The following MITF variants were observed in gnomAD, a reference collection of about 807,000 sequenced individuals.
MITF encodes melanocyte inducing transcription factor, also known as microphthalmia-associated transcription factor.
A neutral mutation model predicts 60.5 loss-of-function variants in MITF; 17 were observed. The ratio of observed to expected loss-of-function variants is 0.28; its 90% confidence interval spans 0.19 to 0.42. The LOEUF (loss-of-function observed/expected upper bound fraction) is 0.42, where lower values mean the gene tolerates loss of function less well. Among genes scored for constraint, MITF ranks in the 10% least tolerant of loss-of-function variants. MITF has a pLI of 1.00. For synonymous variants in MITF, 260 were observed against 248.5 expected, an observed-to-expected ratio of 1.05 and a Z score of -0.43; for missense variants, 622 against 683.5, an observed-to-expected ratio of 0.91 and a Z score of 1.00.
chr3:69,920,970 C>A (rs529219053), intron 2 of MITF, among the ~76,000 whole-genome samples: 11 of 152,292 alleles, frequency 7.2e-5, no homozygotes, highest in African/African-American at 2.6e-4. Context: ...CTGGTTCAAG[C>A]AATTCCCCTG....
chr3:69,874,829 T>A (rs926719366), intron 1 of MITF, among the ~76,000 whole-genome samples: 1 of 152,288 alleles, frequency 6.6e-6, no homozygotes, highest in East Asian at 1.9e-4. Flanking sequence ...TTTCTGATAT[T>A]GTTAGGTGGC....
At position 69,790,799 on chromosome 3, in the gene MITF, TCAGTCCTAGG is replaced by T. The variant is rs575679351; in HGVS notation, c.104+51101_104+51110del. Among the ~76,000 whole-genome samples the T allele has an allele frequency of 2.7e-3, 404 of 152,312 alleles. 2 individuals are homozygous for T. Among genetic ancestry groups the T allele is most frequent in the African/African-American group, 9.5e-3 (393 of 41,562 alleles). ...GTAGCTGAGGAGCAGCACCCCACTT[TCAGTCCTAGG>T]CATGAAATTCAGATTCATTTCTCTC... On this transcript the variant is annotated intron_variant, in intron 1 of 9. Transcript: ENST00000352241.
intron 1 of MITF, among the ~76,000 whole-genome samples, chr3:69,756,318 G>A (rs1704146059): frequency 6.6e-6 from 1 of 152,182 alleles, no homozygotes; most frequent in African/African-American, 2.4e-5. Context: ...GGTGTGTGAT[G>A]TTCCCCTCCC....
chr3:69,828,622 A>T (rs1221985665), intron 1 of MITF, among the ~76,000 whole-genome samples: 2 of 151,940 alleles, frequency 1.3e-5, no homozygotes, highest in East Asian at 3.9e-4. Context: ...TAAATAGATA[A>T]ATATAAAATC....
At chr3:69,951,060 C>T (rs1306823670) in intron 6 of MITF, among the ~76,000 whole-genome samples, 1 of 146,328 alleles carries the variant, frequency 6.8e-6, no homozygotes, top group Non-Finnish European at 1.5e-5. Flanking sequence ...AAGTAGTGAA[C>T]TAGTTAGAAG....
At chr3:69,780,659 C>T (rs2062548136) in intron 1 of MITF, among the ~76,000 whole-genome samples, 1 of 152,128 alleles carries the variant, frequency 6.6e-6, no homozygotes, top group Non-Finnish European at 1.5e-5. Context: ...TTCTCTTTCT[C>T]CGTTGGTTTC....
intron 1 of MITF, among the ~76,000 whole-genome samples, chr3:69,860,619 AAAAT>A (rs1234924117): frequency 1.3e-5 from 2 of 151,938 alleles, no homozygotes; most frequent in African/African-American, 4.8e-5. Flanking sequence ...AAAAAAAAAA[AAAAT>A]TCACTTTAGA....
At chr3:69,919,867 G>T (rs978430923) in intron 2 of MITF, among the ~76,000 whole-genome samples, 4 of 151,876 alleles carry the variant, frequency 2.6e-5, no homozygotes, top group African/African-American at 9.7e-5. Flanking sequence ...TGCTGTTGTT[G>T]TTTTCAGACA....
intron 4 of MITF, among the ~76,000 whole-genome samples, chr3:69,940,434 A>G (rs1007449619): frequency 1.3e-5 from 2 of 152,250 alleles, no homozygotes; most frequent in Non-Finnish European, 2.9e-5. Flanking sequence ...AACTGCTGCA[A>G]TGCACATGTA....
intron 2 of MITF, 143 bp from the exon 3 acceptor site, chr3:69,937,679 G>A (rs1576004044): frequency 1.3e-6 from 1 of 741,688 alleles, no homozygotes; most frequent in East Asian, 2.7e-5. Flanking sequence ...AAATCCGTTA[G>A]CACAGTGCCT....
intron 2 of MITF, among the ~76,000 whole-genome samples, chr3:69,901,885 C>T (rs2107352547): frequency 6.6e-6 from 1 of 152,320 alleles, no homozygotes; most frequent in East Asian, 1.9e-4. Context: ...TTTCTCCCAG[C>T]ATGTGTCACC....
At position 69,959,491 on chromosome 3, in the gene MITF, T is replaced by C; in HGVS notation, c.1179+71T>C. The C allele has an allele frequency of 5.1e-6, 8 of 1,575,574 alleles. No homozygotes were observed. The South Asian group carries it at 6.8e-5, about 13-fold the overall frequency. On this transcript the variant is annotated intron_variant, in intron 9 of 9. Coordinates refer to ENST00000352241, the MANE Select transcript of MITF (RefSeq NM_001354604.2). ...CAAGACAGTAGAAACAGGGATATAA[T>C]GAGCCATAGGGGAGTTGACTTACGT... is the stretch of plus-strand genomic sequence containing the variant.
chr3:69,938,453 T>C (rs1273575567), intron 3 of MITF: 4 of 1,494,296 alleles, frequency 2.7e-6, no homozygotes, highest in Non-Finnish European at 3.6e-6. Context: ...GTTCCGCTTG[T>C]TGTGAATGTC....
chr3:69,843,306 A>G (rs1459849818), intron 1 of MITF, among the ~76,000 whole-genome samples: 1 of 152,184 alleles, frequency 6.6e-6, no homozygotes, highest in Non-Finnish European at 1.5e-5. Flanking sequence ...AGAAATTTAC[A>G]TTTATCAAAA....
At chr3:69,962,754 G>T (rs1169864877) in intron 9 of MITF, among the ~76,000 whole-genome samples, 2 of 152,182 alleles carry the variant, frequency 1.3e-5, no homozygotes, top group African/African-American at 4.8e-5. Flanking sequence ...AGGAAAAAGG[G>T]AAAGAGCTTG....
At chr3:69,815,510 T>G (rs1215459999) in intron 1 of MITF, among the ~76,000 whole-genome samples, 1 of 152,228 alleles carries the variant, frequency 6.6e-6, no homozygotes, top group Non-Finnish European at 1.5e-5. Context: ...TTCTTTCTTG[T>G]GATTTTCTTA....
intron 1 of MITF, among the ~76,000 whole-genome samples, chr3:69,819,894 G>A (rs938717595): frequency 2.0e-5 from 3 of 152,210 alleles, no homozygotes; most frequent in Non-Finnish European, 2.9e-5. Flanking sequence ...GAACCCGGGA[G>A]GTGGAGGTTG....
At chr3:69,846,739 C>T (rs929146910) in intron 1 of MITF, among the ~76,000 whole-genome samples, 5 of 150,564 alleles carry the variant, frequency 3.3e-5, no homozygotes, top group African/African-American at 9.8e-5. Context: ...CTCACTTGAA[C>T]CCGGGAGGCA....
chr3:69,809,616 A>G (rs2063068488), intron 1 of MITF, among the ~76,000 whole-genome samples: 1 of 151,248 alleles, frequency 6.6e-6, no homozygotes, highest in South Asian at 2.1e-4. Context: ...AACATCAATG[A>G]ACTAAGTACA....
Sources: allele counts gnomAD v4.1 joint callset (sites outside exome capture counted in the v4.1 genomes callset), GRCh38; gene constraint gnomAD v4.1.1; transcripts MANE v1.5; gene names NCBI Gene and HGNC (gene_info 2026-07-23, HGNC 2026-07-21).